IL17RD: variants seen among roughly 807,000 people sequenced by gnomAD.
IL17RD encodes interleukin 17 receptor D.
IL17RD carries 52 observed loss-of-function variants against 80.5 expected under a neutral mutation model. The observed-to-expected ratio is 0.65, with a 90% CI of 0.52 to 0.81. IL17RD has a LOEUF of 0.81. Ranked by LOEUF, IL17RD falls within the 40% of genes least tolerant of loss-of-function variation. The pLI, the probability that IL17RD is intolerant of heterozygous loss-of-function variation, is 0.00. For missense variants in IL17RD, 1,024 were observed against 955.1 expected, an observed-to-expected ratio of 1.07 and a Z score of -0.95; for synonymous variants, 416 against 391.8, an observed-to-expected ratio of 1.06 and a Z score of -0.73.
chr3:57,135,944 T>C (rs1707716789), intron 1 of IL17RD, among the ~76,000 whole-genome samples: 2 of 152,218 alleles, frequency 1.3e-5, no homozygotes, highest in African/African-American at 2.4e-5. Flanking sequence ...AGGTTGCCTA[T>C]TGATGTGGGT....
At chr3:57,161,974 T>C (rs1222429909) in intron 1 of IL17RD, among the ~76,000 whole-genome samples, 1 of 152,186 alleles carries the variant, frequency 6.6e-6, no homozygotes, top group African/African-American at 2.4e-5. Context: ...TGCCCACAAC[T>C]CATTTCTAAA....
intron 2 of IL17RD, 142 bp from the exon 3 acceptor site, chr3:57,114,959 A>G: frequency 1.7e-6 from 1 of 603,286 alleles, no homozygotes; most frequent in Non-Finnish European, 2.8e-6. Context: ...GCCCAAAATA[A>G]GACATGAGAG....
chr3:57,129,631 C>T (rs897942098), intron 1 of IL17RD, among the ~76,000 whole-genome samples: 3 of 152,142 alleles, frequency 2.0e-5, no homozygotes, highest in Admixed American at 6.5e-5. Context: ...AACAGGTCCC[C>T]GGCAAGCCCC....
chr3:57,134,695 T>C (rs772933602), intron 1 of IL17RD: 8 of 708,938 alleles, frequency 1.1e-5, no homozygotes, highest in Admixed American at 5.4e-5. Flanking sequence ...ATCAAGACTT[T>C]GTCTAAGGAG....
intron 1 of IL17RD, among the ~76,000 whole-genome samples, chr3:57,154,263 T>C (rs1042806354): frequency 6.6e-5 from 8 of 120,964 alleles, no homozygotes; most frequent in African/African-American, 3.1e-4. Context: ...AAAAAAATTA[T>C]ATATATATAT....
At chr3:57,167,169 T>A (rs2060351869), upstream of IL17RD, among the ~76,000 whole-genome samples, 1 of 151,648 alleles carries the variant, frequency 6.6e-6, no homozygotes, top group Admixed American at 6.6e-5. Context: ...AACAACAGCA[T>A]CCACCTCAAG....
upstream of IL17RD, among the ~76,000 whole-genome samples, chr3:57,169,823 C>G (rs983185194): frequency 8.1e-6 from 1 of 123,366 alleles, no homozygotes; most frequent in Non-Finnish European, 1.7e-5. Context: ...TACCCACCTG[C>G]AAGCCCTTAG....
chr3:57,140,571 A>T (rs116190539), intron 1 of IL17RD, among the ~76,000 whole-genome samples: 1 of 152,326 alleles, frequency 6.6e-6, no homozygotes, highest in Admixed American at 6.5e-5. Flanking sequence ...TGTTTTGGGC[A>T]TTATTCAACA....
upstream of IL17RD, among the ~76,000 whole-genome samples, chr3:57,168,764 T>G (rs2060358204): frequency 6.6e-6 from 1 of 152,222 alleles, no homozygotes; most frequent in South Asian, 2.1e-4. Flanking sequence ...TTGCCCAGGT[T>G]GGAGTGCAAT....
intron 7 of IL17RD, among the ~76,000 whole-genome samples, chr3:57,105,552 A>AAAAAAAAAT: frequency 1.9e-4 from 12 of 63,586 alleles, no homozygotes; most frequent in African/African-American, 3.7e-4. Flanking sequence ...AAAAAAAAAA[A>AAAAAAAAAT]ATATATATAT....
At chr3:57,150,971 A>C (rs909269876) in intron 1 of IL17RD, among the ~76,000 whole-genome samples, 1 of 152,244 alleles carries the variant, frequency 6.6e-6, no homozygotes, top group Non-Finnish European at 1.5e-5. Flanking sequence ...GATCAAAGAA[A>C]AGGCATGGCC....
intron 1 of IL17RD, among the ~76,000 whole-genome samples, chr3:57,121,942 C>T (rs1707348598): frequency 6.6e-6 from 1 of 152,154 alleles, no homozygotes; most frequent in Non-Finnish European, 1.5e-5. Context: ...TGCTGGCAAA[C>T]AAAACAGCCA....
intron 1 of IL17RD, among the ~76,000 whole-genome samples, chr3:57,131,396 T>C (rs1296327640): frequency 6.6e-6 from 1 of 152,024 alleles, no homozygotes; most frequent in Non-Finnish European, 1.5e-5. Flanking sequence ...CAAAGAAAGG[T>C]GAAAGTATTC....
intron 4 of IL17RD, 93 bp downstream of exon 4, chr3:57,110,100 C>G (rs1707060494): frequency 7.0e-7 from 1 of 1,434,464 alleles, no homozygotes; most frequent in African/African-American, 1.4e-5. Context: ...GACCCCATAG[C>G]CCCTCCTTCT....
At chr3:57,135,211 T>G (rs556560036) in intron 1 of IL17RD, among the ~76,000 whole-genome samples, 1 of 152,266 alleles carries the variant, frequency 6.6e-6, no homozygotes, top group East Asian at 1.9e-4. Flanking sequence ...CAGCACTGCT[T>G]CTAGGGACAC....
chr3:57,124,912 T>C (rs1235876666), intron 1 of IL17RD, among the ~76,000 whole-genome samples: 2 of 152,270 alleles, frequency 1.3e-5, no homozygotes, highest in East Asian at 3.9e-4. Context: ...CAGGCAGGCA[T>C]AGAACATGCA....
At chr3:57,120,117 G>A (rs774578528) in intron 2 of IL17RD, 139 bp downstream of exon 2, 1 of 678,352 alleles carries the variant, frequency 1.5e-6, no homozygotes, top group South Asian at 1.8e-5. Flanking sequence ...AGACTGAGCT[G>A]CTTTAGCTGT....
intron 8 of IL17RD, 67 bp downstream of exon 8, chr3:57,104,275 A>T (rs1373337637): frequency 9.3e-7 from 1 of 1,075,578 alleles, no homozygotes; most frequent in African/African-American, 1.6e-5. Flanking sequence ...TGTTGTAAAC[A>T]GTTGGAATTC....
At chr3:57,127,233 A>AAT (rs371931689) in intron 1 of IL17RD, among the ~76,000 whole-genome samples, 971 of 86,732 alleles carry the variant, frequency 0.011, 58 homozygotes, top group Non-Finnish European at 0.013. Flanking sequence ...TATATATAAA[A>AAT]ATATATAAAT....
Sources: gnomAD v4.1 joint callset for allele counts (sites outside exome capture counted in the v4.1 genomes callset) on GRCh38, gnomAD v4.1.1 for gene constraint, MANE v1.5 for transcripts, NCBI Gene and HGNC (gene_info 2026-07-23, HGNC 2026-07-21) for gene names.